The following OR1F1 variants were observed in gnomAD, a reference collection of about 807,000 sequenced individuals.
OR1F1 encodes olfactory receptor 1F1.
For missense variants in OR1F1, 493 were observed against 376.3 expected, an observed-to-expected ratio of 1.31 and a Z score of -2.57; for synonymous variants, 184 against 156.7, an observed-to-expected ratio of 1.17 and a Z score of -1.30.
At chr16:3,199,713 A>G (rs904576647), upstream of OR1F1, among the ~76,000 whole-genome samples, 5 of 152,272 alleles carry the variant, frequency 3.3e-5, no homozygotes, top group East Asian at 9.6e-4. Context: ...CAAAAGAAAA[A>G]GGATATTTTG....
upstream of OR1F1, among the ~76,000 whole-genome samples, chr16:3,203,372 T>G (rs1332542259): frequency 6.6e-6 from 1 of 152,090 alleles, no homozygotes. Context: ...CAGTGACGAG[T>G]CACCCTCCCT....
At chr16:3,202,121 GC>G (rs1958141616), upstream of OR1F1, among the ~76,000 whole-genome samples, 1 of 152,156 alleles carries the variant, frequency 6.6e-6, no homozygotes, top group Admixed American at 6.6e-5. Flanking sequence ...TCACTTTGGG[GC>G]TCGCTTGTCC....
chr16:3,191,100 A>G, the OR1F1 span: 1 of 152,226 alleles, frequency 6.6e-6, no homozygotes, highest in Non-Finnish European at 1.5e-5. Flanking sequence ...TTCTGTCTGC[A>G]GCTCCAAAGA....
At chr16:3,188,349 C>T in the OR1F1 span, 204 of 152,232 alleles carry the variant, frequency 1.3e-3, 6 homozygotes, top group East Asian at 0.035. Flanking sequence ...GCGGCAACTG[C>T]GGTTAAAGGA....
downstream of OR1F1, among the ~76,000 whole-genome samples, chr16:3,205,565 G>C (rs1008537621): frequency 4.0e-5 from 6 of 151,848 alleles, no homozygotes; most frequent in Non-Finnish European, 8.8e-5. Flanking sequence ...CCTGAACAGA[G>C]GGACCAGCTG....
upstream of OR1F1, among the ~76,000 whole-genome samples, chr16:3,203,085 C>G (rs1473407634): frequency 2.6e-5 from 4 of 152,182 alleles, no homozygotes; most frequent in African/African-American, 4.8e-5. Flanking sequence ...AATGATTACC[C>G]CTTAGATTGC....
At chr16:3,194,031 G>T in the OR1F1 span, among the ~76,000 whole-genome samples, 1 of 152,090 alleles carries the variant, frequency 6.6e-6, no homozygotes, top group East Asian at 1.9e-4. Context: ...AAGGTATCAC[G>T]CCTTTTAAAA....
At chr16:3,199,645 A>C (rs1958113563), upstream of OR1F1, among the ~76,000 whole-genome samples, 1 of 152,054 alleles carries the variant, frequency 6.6e-6, no homozygotes. Context: ...TTCTTGGTTT[A>C]AAAGAATTTA....
In OR1F1 at chr16:3,204,929, T is replaced by C. The variant is rs1211274847; in HGVS notation, c.683T>C (p.Val228Ala). The change falls in exon 1 of 1, where the codon GTC becomes GCC. Residue 228 changes from valine to alanine, a missense_variant. By Grantham distance (64) the Val-to-Ala change is moderately conservative (BLOSUM62 0). Transcript: ENST00000304646. ...CACATCACCTGCACTGTCCTGAAGG[T>C]CCCATCCACAAAGGGAAGGTGGAAA... 5 of 1,614,028 alleles carry C rather than the reference T, an allele frequency of 3.1e-6. No homozygotes were observed. In the African/African-American group the frequency reaches 6.7e-5, roughly 22 times the overall value.
chr16:3,204,798 A>C lies in OR1F1; in HGVS notation c.552A>C (p.Leu184=), dbSNP rs575247842. The change falls in exon 1 of 1, where the codon CTA becomes CTC. Residue 184 remains leucine, a synonymous_variant. Transcript: ENST00000304646. ...ACTTCTTCTGCGATGTGACTCCCCT[A>C]CTGAAACTCTCCTGCTCAGACACAC... 5.3e-5 allele frequency: 86 copies of C among 1,613,886 alleles called. 1 individual carries two copies. In the South Asian group the frequency reaches 8.7e-4, roughly 16 times the overall value.
At chr16:3,195,259 C>T in the OR1F1 span, among the ~76,000 whole-genome samples, 1 of 152,010 alleles carries the variant, frequency 6.6e-6, no homozygotes, top group African/African-American at 2.4e-5. Flanking sequence ...ACTCATTGTG[C>T]TAATTGCGTT....
chr16:3,204,465 C>T (rs147872466), exon 1 of OR1F1: 21 of 1,614,022 alleles, frequency 1.3e-5, no homozygotes, highest in Middle Eastern at 1.6e-4. Context: ...ACATCTGCTT[C>T]TCCTTCACCA....
chr16:3,192,016 C>T, the OR1F1 span, among the ~76,000 whole-genome samples: 1 of 152,032 alleles, frequency 6.6e-6, no homozygotes. Flanking sequence ...GTATGATTCT[C>T]GCTTAGGATG....
chr16:3,200,444 T>G (rs1381814967), upstream of OR1F1, among the ~76,000 whole-genome samples: 1 of 152,080 alleles, frequency 6.6e-6, no homozygotes, highest in Non-Finnish European at 1.5e-5. Context: ...CTGTCTCTAC[T>G]AAAAATACAA....
the OR1F1 span, among the ~76,000 whole-genome samples, chr16:3,195,160 C>A: frequency 6.6e-6 from 1 of 152,224 alleles, no homozygotes; most frequent in Non-Finnish European, 1.5e-5. Flanking sequence ...CAATCTCAGA[C>A]CCTGCGCCTC....
At chr16:3,196,695 T>C in the OR1F1 span, among the ~76,000 whole-genome samples, 2 of 146,658 alleles carry the variant, frequency 1.4e-5, no homozygotes, top group Non-Finnish European at 3.0e-5. Flanking sequence ...GCGGTGAAAT[T>C]AATCTTTTTT....
chr16:3,189,145 T>A, the OR1F1 span, among the ~76,000 whole-genome samples: 2 of 152,112 alleles, frequency 1.3e-5, no homozygotes, highest in African/African-American at 4.8e-5. Context: ...CGGAGAAGCG[T>A]GAGGTGCGGC....
chr16:3,200,499 C>T (rs375197588), upstream of OR1F1, among the ~76,000 whole-genome samples: 92 of 152,234 alleles, frequency 6.0e-4, no homozygotes, highest in African/African-American at 2.1e-3. Context: ...CCCAACTACT[C>T]GGGAGGCTGA....
At chr16:3,191,762 C>A in the OR1F1 span, among the ~76,000 whole-genome samples, 1 of 150,114 alleles carries the variant, frequency 6.7e-6, no homozygotes, top group African/African-American at 2.5e-5. Context: ...GGTTGCCAGC[C>A]AGGGGCAGAG....
Sources: gnomAD v4.1 joint callset for allele counts (sites outside exome capture counted in the v4.1 genomes callset) on GRCh38, gnomAD v4.1.1 for gene constraint, MANE v1.5 for transcripts, NCBI Gene and HGNC (gene_info 2026-07-23, HGNC 2026-07-21) for gene names.